The following ZNF184 variants were observed in gnomAD, a reference collection of about 807,000 sequenced individuals.
ZNF184 encodes zinc finger protein 184 (Kruppel-like).
Under a neutral mutation model 54.4 loss-of-function variants are expected in ZNF184, and 16 were observed. The observed-to-expected ratio is 0.29, with a 90% CI of 0.20 to 0.45. The LOEUF (loss-of-function observed/expected upper bound fraction) is 0.45. ZNF184 is among the 20% of genes least tolerant of loss of function. ZNF184 has a pLI of 1.00. For synonymous variants in ZNF184, 254 were observed against 295.3 expected (o/e 0.86, Z 1.43); for missense variants, 681 against 888.2 (o/e 0.77, Z 2.97).
At chr6:27,427,561 C>A in the ZNF184 span, among the ~76,000 whole-genome samples, 1 of 152,180 alleles carries the variant, frequency 6.6e-6, no homozygotes, top group Non-Finnish European at 1.5e-5. Context: ...TCATCTGTCT[C>A]TCTCTAATCT....
At position 27,452,342 on chromosome 6, in the gene ZNF184, A is replaced by C. The variant is rs1260080462; in HGVS notation, c.1217T>G (p.Ile406Ser). 6.2e-7 allele frequency: 1 copy of C among 1,613,742 alleles called. No homozygotes were observed. The highest frequency in any genetic ancestry group is 1.1e-5 in the South Asian group (1 of 91,056). Residue 406 changes from isoleucine (I) to serine (S), a missense_variant, in exon 6 of 6, where the codon ATC becomes AGC. Transcript: ENST00000683788. This position sits in a 1 kb window ranked among gnomAD's most constrained non-coding sequence, Gnocchi z 5.5. Reference sequence around the variant, plus strand: ...ACCAGTATGAATCATATGATGACGGATAAAAGTTGAGGGCCCGTTGAAGGC... The same window carrying C: ...ACCAGTATGAATCATATGATGACGGCTAAAAGTTGAGGGCCCGTTGAAGGC... ...GKAFNGPSTF[I>S]RHHMIHTGEK...
the ZNF184 span, among the ~76,000 whole-genome samples, chr6:27,438,048 T>C: frequency 2.6e-5 from 4 of 152,226 alleles, no homozygotes; most frequent in African/African-American, 9.6e-5. Flanking sequence ...TCAAACCTTT[T>C]ATCATGTTGA....
Position 27,472,483 on chromosome 6 carries a change from CAG to C in ZNF184, c.-139-52_-139-51del, listed in dbSNP as rs1369731584. On this transcript the variant is annotated intron_variant, in intron 1 of 5. Transcript: ENST00000683788. This position sits in a 1 kb window ranked among gnomAD's most constrained non-coding sequence, Gnocchi z 4.8. The stretch of plus-strand genomic sequence containing the variant: ...CAGCATACGTCACACAATCACACAT[CAG>C]AGTCTTGCAAAGTGACCAAGAGGTG... The C allele has an allele frequency of 1.0e-4, 67 of 659,870 alleles. 1 individual carries two copies. Among genetic ancestry groups the C allele is most frequent in the Admixed American group, 2.5e-5 (1 of 40,346 alleles). 40.9% of individuals were successfully genotyped at this position (659,870 alleles called of 1,614,324 possible).
the ZNF184 span, among the ~76,000 whole-genome samples, chr6:27,433,260 T>C: frequency 1.3e-5 from 2 of 152,234 alleles, no homozygotes; most frequent in South Asian, 4.1e-4. Flanking sequence ...CCTCAGAGGC[T>C]TTCTTGACAT....
At chr6:27,421,985 C>A in the ZNF184 span, among the ~76,000 whole-genome samples, 1 of 151,180 alleles carries the variant, frequency 6.6e-6, no homozygotes, top group East Asian at 1.9e-4. Flanking sequence ...GTGGGAGGAT[C>A]GATTGAGCCC....
chr6:27,453,351 C>A lies in ZNF184; in HGVS notation c.299-91G>T. The A allele has an allele frequency of 7.8e-7, 1 of 1,285,818 alleles. No homozygotes were observed. The highest frequency in any genetic ancestry group is 1.5e-5 in the African/African-American group (1 of 66,028). 79.7% of individuals were successfully genotyped at this position (1,285,818 alleles called of 1,614,324 possible). A position where few individuals can be genotyped will look rare whatever the true frequency, so the allele number is the denominator to read the frequency against. ...AATATAATGATACTGAAAAATAAATCTCTCAGAAAATTCTAATGGTTTTCA... is the reference window on the plus strand; with the variant it reads ...AATATAATGATACTGAAAAATAAATATCTCAGAAAATTCTAATGGTTTTCA... On this transcript the variant is annotated intron_variant, in intron 5 of 5. Transcript: ENST00000683788. This position sits in a 1 kb window ranked among gnomAD's most constrained non-coding sequence, Gnocchi z 4.7.
chr6:27,408,137 G>A, the ZNF184 span: 1 of 667,400 alleles, frequency 1.5e-6, no homozygotes, highest in Middle Eastern at 3.9e-4. Context: ...TTACACTGGG[G>A]TGAGAAGGGA....
At chr6:27,442,191 G>C in the ZNF184 span, among the ~76,000 whole-genome samples, 1 of 152,118 alleles carries the variant, frequency 6.6e-6, no homozygotes, top group South Asian at 2.1e-4. Context: ...CCTGGATTCT[G>C]TATATTACCT....
Position 27,451,615 on chromosome 6 carries a change from T to C in ZNF184, c.1944A>G (p.Glu648=), listed in dbSNP as rs1317103394. The change falls in exon 6 of 6, where the codon GAA becomes GAG. Residue 648 remains glutamate, a synonymous_variant. Coordinates refer to ENST00000683788, the MANE Select transcript of ZNF184 (RefSeq NM_001318891.2). The stretch of plus-strand genomic sequence containing the variant: ...GATGGGAGCTCTGGCTAAAGGTCTT[T>C]TCACATTTATTACACTGGTAGGGTT... The part of the protein sequence containing the change: ...EEKPYQCNKC[E]KTFSQSSHLT... The C allele has an allele frequency of 3.7e-6, 6 of 1,614,170 alleles. No homozygotes were observed. In the South Asian group the frequency reaches 4.4e-5, roughly 12 times the overall value.
the ZNF184 span, among the ~76,000 whole-genome samples, chr6:27,440,751 C>A: frequency 6.6e-6 from 1 of 152,066 alleles, no homozygotes; most frequent in Non-Finnish European, 1.5e-5. Flanking sequence ...CTCCTGTAAT[C>A]CCAGCACTTT....
the ZNF184 span, among the ~76,000 whole-genome samples, chr6:27,412,210 A>G: frequency 6.6e-6 from 1 of 152,156 alleles, no homozygotes; most frequent in Non-Finnish European, 1.5e-5. Context: ...CTCCTAGGAA[A>G]CATAGTCTGC....
chr6:27,454,647 C>A (rs1305883694), intron 5 of ZNF184, among the ~76,000 whole-genome samples: 3 of 151,946 alleles, frequency 2.0e-5, no homozygotes, highest in African/African-American at 7.3e-5. Flanking sequence ...CACTCAAAGG[C>A]AACATGAAAC....
chr6:27,447,697 G>T (rs1016279091), downstream of ZNF184, among the ~76,000 whole-genome samples: 7 of 152,170 alleles, frequency 4.6e-5, no homozygotes, highest in African/African-American at 4.8e-5. Context: ...TGGGTGACAA[G>T]AGTGAAACTC....
downstream of ZNF184, among the ~76,000 whole-genome samples, chr6:27,447,568 C>A (rs1447822239): frequency 6.6e-6 from 1 of 152,062 alleles, no homozygotes; most frequent in Non-Finnish European, 1.5e-5. Flanking sequence ...CAAAAATTAG[C>A]TGGGCATGGT....
At chr6:27,432,099 A>G in the ZNF184 span, among the ~76,000 whole-genome samples, 1 of 151,720 alleles carries the variant, frequency 6.6e-6, no homozygotes, top group African/African-American at 2.4e-5. This position sits in a 1 kb window ranked among gnomAD's most constrained non-coding sequence, Gnocchi z 4.0. Context: ...AACAACTCCC[A>G]CCCCCACCTT....
Position 27,451,515 on chromosome 6 carries a change from T to C in ZNF184, c.2044A>G (p.Ser682Gly). The change falls in exon 6 of 6, where the codon AGC becomes GGC. Residue 682 changes from serine to glycine, a missense_variant. Physicochemically the swap from Ser to Gly is moderately conservative, Grantham distance 56. Transcript: ENST00000683788. ...TTCTGATGTTCAGTCAGATGAGTGCTCCGGCTAAAGGCTTTGTCACATTCA... is the reference window on the plus strand; with the variant it reads ...TTCTGATGTTCAGTCAGATGAGTGCCCCGGCTAAAGGCTTTGTCACATTCA... ...CNECDKAFSR[S>G]THLTEHQNTH... 6.2e-7 allele frequency: 1 copy of C among 1,614,180 alleles called. No individual in the cohort carries two copies. Among genetic ancestry groups the C allele is most frequent in the Non-Finnish European group, 8.5e-7 (1 of 1,180,028 alleles).
At chr6:27,408,451 T>C in the ZNF184 span, among the ~76,000 whole-genome samples, 3 of 152,184 alleles carry the variant, frequency 2.0e-5, no homozygotes, top group African/African-American at 7.2e-5. Flanking sequence ...ACATGGTCAG[T>C]ATTCTCTAAA....
chr6:27,460,969 T>G (rs1708210902), intron 3 of ZNF184, among the ~76,000 whole-genome samples: 1 of 152,172 alleles, frequency 6.6e-6, no homozygotes, highest in Non-Finnish European at 1.5e-5. Flanking sequence ...TCACTAATTA[T>G]CGACATAATT....
At chr6:27,411,320 C>A in the ZNF184 span, among the ~76,000 whole-genome samples, 1 of 152,166 alleles carries the variant, frequency 6.6e-6, no homozygotes, top group Non-Finnish European at 1.5e-5. Context: ...TCCTACACCA[C>A]CACAATGGGG....
Sources: allele counts gnomAD v4.1 joint callset (sites outside exome capture counted in the v4.1 genomes callset), GRCh38; gene constraint gnomAD v4.1.1; non-coding constraint Gnocchi (gnomAD v3.1); transcripts MANE v1.5; gene names NCBI Gene and HGNC (gene_info 2026-07-23, HGNC 2026-07-21).